Variants in HSPBAP1 observed in about 807,000 individuals in gnomAD.
HSPBAP1 encodes the protein HSPB1 associated protein 1.
HSPBAP1 carries 27 observed loss-of-function variants against 45.2 expected under a neutral mutation model. That is an observed-to-expected ratio of 0.60 (90% CI 0.44 to 0.82). HSPBAP1 has a LOEUF of 0.82. HSPBAP1 is among the 40% of genes least tolerant of loss of function. The pLI, the probability that HSPBAP1 is intolerant of heterozygous loss-of-function variation, is 0.00. For missense variants in HSPBAP1, 510 were observed against 590.9 expected (o/e 0.86, Z 1.42); for synonymous variants, 204 against 202.7 (o/e 1.01, Z -0.06).
rs146628865 is a variant in HSPBAP1, at chr3:122,761,077, G to C, written c.433-1717C>G. Among the ~76,000 whole-genome samples the C allele has an allele frequency of 2.6e-3, 400 of 152,272 alleles. 3 individuals are homozygous for C. Among genetic ancestry groups the C allele is most frequent in the African/African-American group, 8.5e-3 (354 of 41,538 alleles). On this transcript the variant is annotated intron_variant, in intron 3 of 7. Coordinates refer to ENST00000306103, the MANE Select transcript of HSPBAP1 (RefSeq NM_024610.6). ...GCCCTGCACCCAGCCAGGGAGCTTA[G>C]GGGAGGCTTCCAATTAACCTGGTCC...
At position 122,755,373 on chromosome 3, in the gene HSPBAP1, G is replaced by C. The variant is rs1290271591; in HGVS notation, c.628C>G (p.Pro210Ala). ...CTGAACACACTAGATTCTTCATAAG[G>C]GATTCTAGTTGGATAAAGGAAAGGA... is the stretch of plus-strand genomic sequence containing the variant. ...DTPFLYPTRI[P>A]YEESSVFSKI... is the part of the protein sequence containing the mutation. Residue 210 changes from proline (P) to alanine (A), a missense_variant, in exon 5 of 8, where the codon CCT becomes GCT. Coordinates refer to ENST00000306103, the MANE Select transcript of HSPBAP1 (RefSeq NM_024610.6). The C allele has an allele frequency of 6.3e-7, 1 of 1,591,082 alleles. No individual in the cohort carries two copies. The highest frequency in any genetic ancestry group is 1.1e-5 in the South Asian group (1 of 88,518).
chr3:122,760,554 T>C (rs201011551), intron 3 of HSPBAP1, among the ~76,000 whole-genome samples: 1 of 146,492 alleles, frequency 6.8e-6, no homozygotes. Context: ...TTTTTTTTTT[T>C]CATTTTTGCT....
Position 122,740,554 on chromosome 3 carries a change from T to C in HSPBAP1, c.1258A>G (p.Lys420Glu), listed in dbSNP as rs1216893105. Reference sequence around the variant, plus strand: ...AATTTTCCAAAGTGTTCTCCATCCTTGTCCACAAAGTCTTTCCCATCACTT... The same window carrying C: ...AATTTTCCAAAGTGTTCTCCATCCTCGTCCACAAAGTCTTTCCCATCACTT... ...FGSDGKDFVD[K>E]DGEHFGKLHC... Residue 420 changes from lysine to glutamate, a missense_variant, in exon 8 of 8, where the codon AAG (lysine) becomes GAG (glutamate). Coordinates refer to ENST00000306103, the MANE Select transcript of HSPBAP1 (RefSeq NM_024610.6). 4 of 1,614,100 alleles carry C rather than the reference T, an allele frequency of 2.5e-6. No homozygotes were observed. In the Admixed American group the frequency reaches 6.7e-5, roughly 27 times the overall value.
chr3:122,753,305 A>G, intron 5 of HSPBAP1: 1 of 401,300 alleles, frequency 2.5e-6, no homozygotes, highest in Non-Finnish European at 3.4e-6. Context: ...GGACTACAGA[A>G]GATAGCAAGT....
intron 1 of HSPBAP1, among the ~76,000 whole-genome samples, chr3:122,782,129 T>C (rs1249911023): frequency 6.6e-6 from 1 of 152,254 alleles, no homozygotes; most frequent in Non-Finnish European, 1.5e-5. Context: ...TAGAGGATTA[T>C]GTAAGAAATG....
In HSPBAP1 at chr3:122,767,515, G is replaced by A. The variant is rs547613075; in HGVS notation, c.432+1186C>T. 2.2e-4 allele frequency among the ~76,000 whole-genome samples: 34 copies of A among 152,108 alleles called. No individual in the cohort carries two copies. The East Asian group carries it at 5.2e-3, about 23-fold the overall frequency. On this transcript the variant is annotated intron_variant, in intron 3 of 7. Coordinates refer to ENST00000306103, the MANE Select transcript of HSPBAP1 (RefSeq NM_024610.6). ...AGAGGTTGCAGGGAGTCGTAATTGC[G>A]CCACTGCATTCCAGCCTGGGTGACA...
At chr3:122,755,160 T>G in intron 5 of HSPBAP1, 100 bp downstream of exon 5, 1 of 1,235,042 alleles carries the variant, frequency 8.1e-7, no homozygotes, top group Non-Finnish European at 1.1e-6. Flanking sequence ...CCATTCTCAT[T>G]TGCACTGCGC....
Position 122,777,902 on chromosome 3 carries a change from T to C in HSPBAP1, c.69A>G (p.Glu23=), listed in dbSNP as rs903307578. 6.2e-7 allele frequency: 1 copy of C among 1,609,870 alleles called. No homozygotes were observed. The highest frequency in any genetic ancestry group is 2.2e-5 in the East Asian group (1 of 44,842). ...VAAGAGGEEG[E]HVKPFKPEKA... ...TCTCTGGCTTAAAAGGTTTGACATGTTCACCTAGAAAGAGAAATGAATACA... is the reference window on the plus strand; with the variant it reads ...TCTCTGGCTTAAAAGGTTTGACATGCTCACCTAGAAAGAGAAATGAATACA... Residue 23 remains glutamate, a synonymous_variant, in exon 2 of 8, where the codon GAA becomes GAG. Transcript: ENST00000306103.
At chr3:122,743,941 A>G (rs34498501) in intron 6 of HSPBAP1, among the ~76,000 whole-genome samples, 24,710 of 151,956 alleles carry the variant, frequency 0.16, 2,078 homozygotes, top group African/African-American at 0.2. Flanking sequence ...TGAGGCCAAG[A>G]GTTTGACGCT....
At position 122,759,195 on chromosome 3, in the gene HSPBAP1, AC is replaced by A. The variant is rs376204375; in HGVS notation, c.569+28del. ...ATGCACATGTGCGTTCCACACACAC[AC>A]ACACACACACACACACACACACATT... On this transcript the variant is annotated intron_variant, in intron 4 of 7. Coordinates refer to ENST00000306103, the MANE Select transcript of HSPBAP1 (RefSeq NM_024610.6). The A allele has an allele frequency of 9.2e-3, 14,021 of 1,525,942 alleles. 525 individuals carry two copies. The African/African-American group carries it at 0.14, about 15-fold the overall frequency. The allele number at this position is 1,525,942 out of a possible 1,614,324, so 94.5% of individuals were successfully genotyped here.
At chr3:122,787,065 T>C (rs1216665178) in intron 1 of HSPBAP1, among the ~76,000 whole-genome samples, 1 of 152,166 alleles carries the variant, frequency 6.6e-6, no homozygotes, top group Non-Finnish European at 1.5e-5. Flanking sequence ...AGGATAAGGG[T>C]ATTTAGGTCT....
chr3:122,750,995 C>A (rs1164260966), intron 6 of HSPBAP1, among the ~76,000 whole-genome samples: 2 of 152,002 alleles, frequency 1.3e-5, no homozygotes, highest in Non-Finnish European at 2.9e-5. Context: ...TGCCTGACAG[C>A]AGATCATGTG....
intron 2 of HSPBAP1, among the ~76,000 whole-genome samples, chr3:122,770,755 A>T (rs1399680053): frequency 6.6e-6 from 1 of 152,208 alleles, no homozygotes; most frequent in African/African-American, 2.4e-5. Context: ...TCAAAAATTT[A>T]CCATAAAAGC....
chr3:122,752,498 T>A, intron 6 of HSPBAP1, 93 bp downstream of exon 6: 2 of 699,150 alleles, frequency 2.9e-6, no homozygotes, highest in African/African-American at 1.8e-5. Context: ...TTAAAAAAAA[T>A]TAATTACCCA....
At chr3:122,765,011 TG>T (rs1415394527) in intron 3 of HSPBAP1, among the ~76,000 whole-genome samples, 1 of 152,174 alleles carries the variant, frequency 6.6e-6, no homozygotes, top group Non-Finnish European at 1.5e-5. Flanking sequence ...AACATAGCTA[TG>T]AGAGCATGTT....
intron 1 of HSPBAP1, among the ~76,000 whole-genome samples, chr3:122,784,446 C>T (rs1204428069): frequency 6.6e-6 from 1 of 152,074 alleles, no homozygotes; most frequent in Non-Finnish European, 1.5e-5. Context: ...CAACCTGATG[C>T]CCCAAAGCAG....
chr3:122,754,244 T>G (rs1934260242), intron 5 of HSPBAP1: 1 of 152,764 alleles, frequency 6.5e-6, no homozygotes, highest in African/African-American at 2.4e-5. Context: ...GTCCATCAAC[T>G]GATGAACAGA....
chr3:122,754,410 T>C lies in HSPBAP1; in HGVS notation c.741+850A>G, dbSNP rs573986719. On this transcript the variant is annotated intron_variant, in intron 5 of 7. Transcript: ENST00000306103. ...AAGGCCCTGTATTATAATATTGCACTGTGTGAAATGTCCAGAATGGGCAAA... is the reference window on the plus strand; with the variant it reads ...AAGGCCCTGTATTATAATATTGCACCGTGTGAAATGTCCAGAATGGGCAAA... 7 of 349,396 alleles carry C rather than the reference T, an allele frequency of 2.0e-5. No homozygotes were observed. The South Asian group carries it at 6.7e-4, about 33-fold the overall frequency. The allele number at this position is 349,396 out of a possible 1,614,324, so 21.6% of individuals were successfully genotyped here.
At chr3:122,766,050 C>CAG (rs1934769059) in intron 3 of HSPBAP1, among the ~76,000 whole-genome samples, 1 of 152,182 alleles carries the variant, frequency 6.6e-6, no homozygotes, top group East Asian at 1.9e-4. Context: ...CAAATTGCAA[C>CAG]AGCTTGAATG....
Sources: allele counts gnomAD v4.1 joint callset (sites outside exome capture counted in the v4.1 genomes callset), GRCh38; gene constraint gnomAD v4.1.1; transcripts MANE v1.5; gene names NCBI Gene and HGNC (gene_info 2026-07-23, HGNC 2026-07-21).